The following CADM1 variants were observed in gnomAD, a reference collection of about 807,000 sequenced individuals.
CADM1 encodes TSLC-1.
A neutral mutation model predicts 53.1 loss-of-function variants in CADM1; 15 were observed. The ratio of observed to expected loss-of-function variants is 0.28; its 90% CI spans 0.19 to 0.44. The LOEUF is 0.44. CADM1 is among the 20% of genes least tolerant of loss of function. The pLI is 1.00. For missense variants in CADM1, 434 were observed against 611.3 expected (o/e 0.71, Z 3.06); for synonymous variants, 281 against 243.0 (o/e 1.16, Z -1.45).
chr11:115,325,344 G>C (rs935760405), intron 1 of CADM1, among the ~76,000 whole-genome samples: 1 of 152,136 alleles, frequency 6.6e-6, no homozygotes, highest in East Asian at 1.9e-4. Context: ...TCATCAATAA[G>C]GGTCCTTGCC....
intron 1 of CADM1, among the ~76,000 whole-genome samples, chr11:115,315,401 A>C (rs1209280325): frequency 2.0e-5 from 3 of 152,204 alleles, no homozygotes; most frequent in Non-Finnish European, 4.4e-5. Flanking sequence ...GAGAAATCCA[A>C]CAAGAGTTGT....
chr11:115,191,606 A>T (rs1939873276), intron 9 of CADM1, among the ~76,000 whole-genome samples: 1 of 152,222 alleles, frequency 6.6e-6, no homozygotes. Flanking sequence ...TATCCGAGTC[A>T]ATTCCAATGC....
At chr11:115,365,028 T>C (rs981254321) in intron 1 of CADM1, among the ~76,000 whole-genome samples, 14 of 152,202 alleles carry the variant, frequency 9.2e-5, no homozygotes, top group African/African-American at 3.4e-4. Flanking sequence ...GCGATGATGA[T>C]GTCCATTCCC....
chr11:115,355,863 G>T (rs1016740613), intron 1 of CADM1, among the ~76,000 whole-genome samples: 1 of 152,046 alleles, frequency 6.6e-6, no homozygotes, highest in Admixed American at 6.6e-5. Flanking sequence ...ACGGAGTCTC[G>T]CCCTGTAGCC....
chr11:115,440,789 A>T (rs1026932874), intron 1 of CADM1, among the ~76,000 whole-genome samples: 4 of 151,904 alleles, frequency 2.6e-5, no homozygotes, highest in Admixed American at 6.6e-5. Context: ...TTTTATTTTT[A>T]TTTTTTTAAG....
intron 1 of CADM1, among the ~76,000 whole-genome samples, chr11:115,334,410 T>C (rs1945210248): frequency 6.6e-6 from 1 of 152,058 alleles, no homozygotes; most frequent in African/African-American, 2.4e-5. Context: ...TTACTTTCTA[T>C]GGTTTCAGTT....
At chr11:115,183,933 C>A (rs1183329784) in intron 10 of CADM1, among the ~76,000 whole-genome samples, 1 of 152,170 alleles carries the variant, frequency 6.6e-6, no homozygotes, top group Non-Finnish European at 1.5e-5. Context: ...AGAATTGTTG[C>A]GGACTTTTTT....
At chr11:115,372,851 T>C (rs1322499786) in intron 1 of CADM1, among the ~76,000 whole-genome samples, 1 of 152,120 alleles carries the variant, frequency 6.6e-6, no homozygotes, top group Non-Finnish European at 1.5e-5. Flanking sequence ...CAGGTGAGCA[T>C]GGATGAAAGA....
chr11:115,358,412 A>G (rs1430702062), intron 1 of CADM1, among the ~76,000 whole-genome samples: 1 of 152,114 alleles, frequency 6.6e-6, no homozygotes, highest in African/African-American at 2.4e-5. Flanking sequence ...AACAGACAAG[A>G]GAGAAGAACA....
chr11:115,257,219 T>G (rs969115316), intron 1 of CADM1, among the ~76,000 whole-genome samples: 10 of 152,208 alleles, frequency 6.6e-5, no homozygotes, highest in African/African-American at 2.4e-4. Context: ...TTCTATTCAC[T>G]TTTTAGATTT....
intron 9 of CADM1, among the ~76,000 whole-genome samples, chr11:115,196,200 A>G (rs1473548941): frequency 6.6e-6 from 1 of 152,126 alleles, no homozygotes; most frequent in Non-Finnish European, 1.5e-5. Context: ...TCTCTTCCTT[A>G]TACCACAAAA....
At chr11:115,491,326 G>A (rs919689965) in intron 1 of CADM1, among the ~76,000 whole-genome samples, 6 of 152,158 alleles carry the variant, frequency 3.9e-5, no homozygotes, top group Non-Finnish European at 5.9e-5. Flanking sequence ...AGCACTTTGA[G>A]AGGCCGAGGT....
rs535800971 is a variant in CADM1 at position 115,470,660 on chromosome 11, C to A, written c.124+33611G>T. On this transcript the variant is annotated intron_variant, in intron 1 of 11. Coordinates refer to ENST00000331581, the MANE Select transcript of CADM1 (RefSeq NM_001301043.2). ...TATCATTCAATACATTTACTAAGGG[C>A]CTACTATGCAGCAAATAGAACTGCT... Among the ~76,000 whole-genome samples, 19 of 152,200 alleles carry A rather than the reference C, an allele frequency of 1.2e-4. No individual in the cohort carries two copies. The East Asian group carries it at 3.7e-3, about 29-fold the overall frequency.
chr11:115,296,442 G>T (rs559012766), intron 1 of CADM1, among the ~76,000 whole-genome samples: 1 of 152,156 alleles, frequency 6.6e-6, no homozygotes, highest in African/African-American at 2.4e-5. Context: ...CTTGGTGCTG[G>T]TTCTTGCTGC....
chr11:115,235,814 G>A (rs190266480), intron 3 of CADM1, among the ~76,000 whole-genome samples: 12 of 152,214 alleles, frequency 7.9e-5, no homozygotes, highest in African/African-American at 2.9e-4. Flanking sequence ...ACTATTACCA[G>A]TAACTATATT....
intron 1 of CADM1, among the ~76,000 whole-genome samples, chr11:115,332,446 T>C (rs1388030802): frequency 6.6e-6 from 1 of 152,202 alleles, no homozygotes; most frequent in Admixed American, 6.5e-5. Context: ...GATCTGGGTA[T>C]TAGTAAAGCC....
intron 1 of CADM1, among the ~76,000 whole-genome samples, chr11:115,368,687 A>C (rs1309581884): frequency 3.3e-5 from 5 of 152,112 alleles, no homozygotes; most frequent in African/African-American, 1.2e-4. Flanking sequence ...TCTTTGGGTT[A>C]ACATGACTCT....
At chr11:115,275,531 G>A (rs962323801) in intron 1 of CADM1, among the ~76,000 whole-genome samples, 2 of 152,200 alleles carry the variant, frequency 1.3e-5, no homozygotes, top group African/African-American at 4.8e-5. Flanking sequence ...GATAAAAGGT[G>A]TACACAGTTC....
chr11:115,228,022 C>A (rs1226663576), intron 5 of CADM1, among the ~76,000 whole-genome samples: 1 of 152,186 alleles, frequency 6.6e-6, no homozygotes, highest in Admixed American at 6.5e-5. Flanking sequence ...GCCCTACATC[C>A]AATGACAAGT....
Sources: allele counts gnomAD v4.1 joint callset (sites outside exome capture counted in the v4.1 genomes callset), GRCh38; gene constraint gnomAD v4.1.1; transcripts MANE v1.5; gene names NCBI Gene and HGNC (gene_info 2026-07-23, HGNC 2026-07-21).